Variants in KIAA2012 observed in about 807,000 individuals in gnomAD.
KIAA2012 encodes the protein uncharacterized protein KIAA2012.
In KIAA2012, 125 loss-of-function variants were observed where a neutral mutation model predicts 150.6. The ratio of observed to expected loss-of-function variants is 0.83; its 90% CI spans 0.72 to 0.96. KIAA2012 has a LOEUF of 0.96. Among genes scored for constraint, KIAA2012 ranks in the 40% least tolerant of loss-of-function variants. The pLI, the probability that KIAA2012 is intolerant of heterozygous loss-of-function variation, is 0.00. For synonymous variants in KIAA2012, 462 were observed against 504.7 expected, an observed-to-expected ratio of 0.92 and a Z score of 1.13; for missense variants, 1,219 against 1,354.9, an observed-to-expected ratio of 0.90 and a Z score of 1.57.
chr2:202,160,931 C>T (rs1691640676), intron 14 of KIAA2012, among the ~76,000 whole-genome samples: 1 of 152,188 alleles, frequency 6.6e-6, no homozygotes, highest in South Asian at 2.1e-4. Context: ...CAGACTCCTG[C>T]AGCACATGCT....
chr2:202,190,733 C>T (rs1692314799), intron 19 of KIAA2012, among the ~76,000 whole-genome samples: 1 of 152,148 alleles, frequency 6.6e-6, no homozygotes, highest in South Asian at 2.1e-4. Flanking sequence ...CCCACATTGC[C>T]AGGGCAAGTA....
chr2:202,078,447 C>G (rs1461853686), intron 2 of KIAA2012, among the ~76,000 whole-genome samples: 3 of 152,122 alleles, frequency 2.0e-5, no homozygotes, highest in African/African-American at 7.2e-5. Flanking sequence ...TGCCACCATG[C>G]CGGGCCAATT....
At chr2:202,136,006 A>ATT in intron 12 of KIAA2012, 2 of 322,512 alleles carry the variant, frequency 6.2e-6, no homozygotes, top group South Asian at 2.5e-5. Context: ...AAAAAAAAAA[A>ATT]ATTTTTTTTG....
chr2:202,186,604 T>G (rs902467901), intron 16 of KIAA2012, among the ~76,000 whole-genome samples: 9 of 152,244 alleles, frequency 5.9e-5, no homozygotes, highest in Non-Finnish European at 1.2e-4. Flanking sequence ...GTCACTTTCT[T>G]TTTCCAGCTA....
In KIAA2012 at chr2:202,097,539, A is replaced by C. The variant is rs1346826816; in HGVS notation, c.790A>C (p.Arg264=). ...TCAGGGGACTCGCTTGCCACCACGC[A>C]GGAAGCAGCCCTGGCAGGAAGATGA... is the stretch of plus-strand genomic sequence containing the variant. ...GSQGTRLPPR[R]KQPWQEDETQ... is the part of the protein sequence containing the mutation. Residue 264 remains arginine, a synonymous_variant, in exon 5 of 24, where the codon AGG becomes CGG. Transcript: ENST00000498697. 6.5e-7 allele frequency: 1 copy of C among 1,549,950 alleles called. No homozygotes were observed. Among genetic ancestry groups the C allele is most frequent in the South Asian group, 1.2e-5 (1 of 84,014 alleles).
chr2:202,135,176 G>A (rs1028459189), intron 12 of KIAA2012, among the ~76,000 whole-genome samples: 2 of 152,234 alleles, frequency 1.3e-5, no homozygotes, highest in Non-Finnish European at 2.9e-5. Context: ...CTGATGGTGG[G>A]CAGCCAAGGA....
chr2:202,147,995 G>T (rs1003546083), intron 13 of KIAA2012, among the ~76,000 whole-genome samples: 1 of 152,130 alleles, frequency 6.6e-6, no homozygotes, highest in African/African-American at 2.4e-5. Context: ...CACTGTTTTG[G>T]CTTGAAATTT....
In KIAA2012 at chr2:202,102,813, C is replaced by T; in HGVS notation, c.1156-133C>T. ...GCACCACTGAAGTCAGATACCGGCT[C>T]CCAGCTGGATTAGCTTACCTCTCTC... On this transcript the variant is annotated intron_variant, in intron 7 of 23. Transcript: ENST00000498697. The T allele has an allele frequency of 3.6e-6, 3 of 838,484 alleles. No homozygotes were observed. In the South Asian group the frequency reaches 5.7e-5, roughly 16 times the overall value. 51.9% of individuals were successfully genotyped at this position (838,484 alleles called of 1,614,324 possible). A position where few individuals can be genotyped will look rare whatever the true frequency, so the allele number is the denominator to read the frequency against.
intron 1 of KIAA2012, among the ~76,000 whole-genome samples, chr2:202,074,402 T>C (rs765742421): frequency 3.9e-5 from 6 of 152,206 alleles, no homozygotes; most frequent in Non-Finnish European, 8.8e-5. Flanking sequence ...CTACAAGATA[T>C]GTAACTGCTT....
intron 11 of KIAA2012, chr2:202,116,909 G>A (rs1019562918): frequency 2.6e-5 from 4 of 152,194 alleles, no homozygotes; most frequent in African/African-American, 4.8e-5. Flanking sequence ...CAACCACCAT[G>A]TCTGTGATGA....
intron 13 of KIAA2012, among the ~76,000 whole-genome samples, chr2:202,140,015 G>T (rs1691165751): frequency 6.6e-6 from 1 of 152,152 alleles, no homozygotes; most frequent in South Asian, 2.1e-4. Context: ...GGATCACGAG[G>T]TCAGGAGTTC....
In KIAA2012 at chr2:202,172,577, G is replaced by A. The variant is rs553066043; in HGVS notation, c.2119+7221G>A. Among the ~76,000 whole-genome samples, 6 of 152,278 alleles carry A rather than the reference G, an allele frequency of 3.9e-5. No homozygotes were observed. In the South Asian group the frequency reaches 1.2e-3, roughly 32 times the overall value. The stretch of plus-strand genomic sequence containing the variant: ...TAACTGGAGTCTGCCCAGTGTTAGT[G>A]GTTATCTAGTTCAGTTCAGTTCCGT... On this transcript the variant is annotated intron_variant, in intron 15 of 23. Coordinates refer to ENST00000498697, the MANE Select transcript of KIAA2012 (RefSeq NM_001277372.4).
At chr2:202,107,513 A>T (rs2105925862) in intron 9 of KIAA2012, among the ~76,000 whole-genome samples, 1 of 152,232 alleles carries the variant, frequency 6.6e-6, no homozygotes, top group East Asian at 1.9e-4. Context: ...GAGATAAAGG[A>T]CACTAGTGAA....
intron 11 of KIAA2012, among the ~76,000 whole-genome samples, chr2:202,122,402 C>G (rs1028144495): frequency 6.6e-6 from 1 of 152,306 alleles, no homozygotes; most frequent in Admixed American, 6.5e-5. Context: ...TCAACCAGCA[C>G]TCTGAGATCT....
At chr2:202,105,977 CA>C in intron 9 of KIAA2012, 67 bp downstream of exon 9, 1 of 1,550,222 alleles carries the variant, frequency 6.5e-7, no homozygotes, top group Non-Finnish European at 8.7e-7. Flanking sequence ...GCAAGACACA[CA>C]AGGGTCCACA....
intron 15 of KIAA2012, among the ~76,000 whole-genome samples, chr2:202,166,756 A>T (rs1248746235): frequency 6.6e-6 from 1 of 152,044 alleles, no homozygotes; most frequent in East Asian, 1.9e-4. Flanking sequence ...TTAAGTTGTG[A>T]TCTTCATGGT....
At chr2:202,117,002 G>C (rs1559210348) in intron 11 of KIAA2012, 1 of 152,174 alleles carries the variant, frequency 6.6e-6, no homozygotes, top group Non-Finnish European at 1.5e-5. Flanking sequence ...AACTTCCTAG[G>C]CTTGTGTGGG....
At chr2:202,151,517 C>T (rs540649068) in intron 13 of KIAA2012, among the ~76,000 whole-genome samples, 1 of 152,052 alleles carries the variant, frequency 6.6e-6, no homozygotes, top group Non-Finnish European at 1.5e-5. Flanking sequence ...TCATCCAGCT[C>T]TCTCCTCAGA....
chr2:202,141,116 C>A, intron 13 of KIAA2012, among the ~76,000 whole-genome samples: 1 of 152,166 alleles, frequency 6.6e-6, no homozygotes, highest in South Asian at 2.1e-4. Context: ...GTTCCCTGGG[C>A]TGGAGGCTTC....
Sources: gnomAD v4.1 joint callset for allele counts (sites outside exome capture counted in the v4.1 genomes callset) on GRCh38, gnomAD v4.1.1 for gene constraint, MANE v1.5 for transcripts, NCBI Gene and HGNC (gene_info 2026-07-23, HGNC 2026-07-21) for gene names.